Variants in IL1RAPL2 observed in about 807,000 individuals in gnomAD.
The protein encoded by IL1RAPL2 is X-linked interleukin-1 receptor accessory protein-like 2.
IL1RAPL2 carries 3 observed loss-of-function variants against 44.1 expected under a neutral mutation model. The ratio of observed to expected loss-of-function variants is 0.07; its 90% confidence interval spans 0.03 to 0.18. The LOEUF (loss-of-function observed/expected upper bound fraction) is 0.18. Among genes scored for constraint, IL1RAPL2 ranks in the 10% least tolerant of loss-of-function variants. The pLI, the probability that IL1RAPL2 is intolerant of heterozygous loss-of-function variation, is 1.00. For missense variants in IL1RAPL2, 391 were observed against 496.4 expected, an observed-to-expected ratio of 0.79 and a Z score of 2.02; for synonymous variants, 181 against 178.8, an observed-to-expected ratio of 1.01 and a Z score of -0.10.
rs1171872748 is a variant in IL1RAPL2, at chrX:105,670,105, GTATATATATATATATATATATATA to G, written c.773-47242_773-47219del. ...GTGTGGCTCTATTTCTGGGTTTCCT[GTATATATATATATATATATATATA>G]TATATATATATATATATATCTCCAC... is the stretch of plus-strand genomic sequence containing the variant. On this transcript the variant is annotated intron_variant, in intron 6 of 10. Transcript: ENST00000372582. Among the ~76,000 whole-genome samples, 40 of 11,686 alleles carry G rather than the reference GTATATATATATATATATATATATA, an allele frequency of 3.4e-3. 1 individual carries two copies. Among genetic ancestry groups the G allele is most frequent in the Admixed American group, 0.011 (10 of 902 alleles). The allele number at this position is 11,686 out of a possible 115,157, so 10.1% of individuals were successfully genotyped here.
chrX:104,632,317 C>T (rs920339102), intron 1 of IL1RAPL2, among the ~76,000 whole-genome samples: 1 of 111,199 alleles, frequency 9.0e-6, no homozygotes, highest in South Asian at 3.8e-4. Context: ...ATTGACTTGG[C>T]GATGCGGGCT....
At chrX:105,738,501 C>CA in intron 7 of IL1RAPL2, among the ~76,000 whole-genome samples, 1 of 110,879 alleles carries the variant, frequency 9.0e-6, no homozygotes, top group East Asian at 2.9e-4. Flanking sequence ...ACCAGGTGTC[C>CA]AAAAAGAAGA....
chrX:104,703,692 A>G lies in IL1RAPL2; in HGVS notation c.82+44697A>G, dbSNP rs181990069. The stretch of plus-strand genomic sequence containing the variant: ...TACCAGGCCTTGCACTGAGCACTGA[A>G]ATGAACTATATCACTTAATCCTCAC... On this transcript the variant is annotated intron_variant, in intron 2 of 10. Coordinates refer to ENST00000372582, the MANE Select transcript of IL1RAPL2 (RefSeq NM_017416.2). Among the ~76,000 whole-genome samples the G allele has an allele frequency of 6.3e-3, 710 of 112,284 alleles. 2 individuals carry two copies. The highest frequency in any genetic ancestry group is 0.018 in the Middle Eastern group (4 of 217).
At chrX:105,643,694 TG>T (rs1387527454) in intron 6 of IL1RAPL2, among the ~76,000 whole-genome samples, 89 of 111,484 alleles carry the variant, frequency 8.0e-4, no homozygotes, top group African/African-American at 2.7e-3. Flanking sequence ...AAGCTCCTGT[TG>T]GCACTGTTCA....
chrX:105,149,835 AAAAT>A (rs765874056), intron 2 of IL1RAPL2, among the ~76,000 whole-genome samples: 22 of 109,492 alleles, frequency 2.0e-4, no homozygotes, highest in African/African-American at 6.0e-4. Context: ...CTCCATCTCA[AAAAT>A]AAATAAATAA....
At chrX:104,828,968 C>T (rs377240808) in intron 2 of IL1RAPL2, among the ~76,000 whole-genome samples, 5 of 112,043 alleles carry the variant, frequency 4.5e-5, no homozygotes, top group South Asian at 3.7e-4. Context: ...TAATGGCAGA[C>T]GCCCCTCCCC....
At chrX:105,214,755 A>T (rs1444904718) in intron 3 of IL1RAPL2, among the ~76,000 whole-genome samples, 2 of 112,158 alleles carry the variant, frequency 1.8e-5, no homozygotes. Context: ...ATGCAAAAGA[A>T]TGGAAATCAT....
chrX:104,817,875 T>G (rs768567734), intron 2 of IL1RAPL2, among the ~76,000 whole-genome samples: 7 of 111,076 alleles, frequency 6.3e-5, no homozygotes, highest in Non-Finnish European at 1.1e-4. Context: ...ATGATATATA[T>G]AGAGATACAA....
At chrX:104,855,432 T>G (rs1331279313) in intron 2 of IL1RAPL2, among the ~76,000 whole-genome samples, 5 of 110,990 alleles carry the variant, frequency 4.5e-5, no homozygotes, top group Admixed American at 2.9e-4. Flanking sequence ...AAGGCCAATA[T>G]ACAGTGGGAA....
chrX:105,352,029 C>T (rs2035159641), intron 5 of IL1RAPL2, among the ~76,000 whole-genome samples: 1 of 111,278 alleles, frequency 9.0e-6, no homozygotes, highest in South Asian at 3.8e-4. Context: ...CTCACTGCAA[C>T]CTTCTTCCTC....
intron 5 of IL1RAPL2, among the ~76,000 whole-genome samples, chrX:105,441,692 A>C (rs1348602080): frequency 1.8e-5 from 2 of 111,906 alleles, no homozygotes; most frequent in Non-Finnish European, 3.8e-5. Flanking sequence ...AAGACATGAC[A>C]AGTTCCCAAA....
intron 6 of IL1RAPL2, among the ~76,000 whole-genome samples, chrX:105,527,952 A>G (rs1017992521): frequency 2.7e-5 from 3 of 112,146 alleles, no homozygotes; most frequent in African/African-American, 9.7e-5. Flanking sequence ...GAAAGCAGGC[A>G]TGTAGGAGAA....
chrX:105,657,141 C>T (rs901068696), intron 6 of IL1RAPL2, among the ~76,000 whole-genome samples: 1 of 111,596 alleles, frequency 9.0e-6, no homozygotes, highest in Non-Finnish European at 1.9e-5. Flanking sequence ...TCATGCTATT[C>T]CTGAAAAGAG....
At chrX:104,795,569 C>T (rs1349375060) in intron 2 of IL1RAPL2, among the ~76,000 whole-genome samples, 7 of 110,656 alleles carry the variant, frequency 6.3e-5, no homozygotes, top group Admixed American at 2.9e-4. Flanking sequence ...GAAAAGGGGG[C>T]AACTGTAGCT....
Position 105,100,467 on chromosome X carries a change from G to C in IL1RAPL2, c.83-95008G>C, listed in dbSNP as rs186931795. On this transcript the variant is annotated intron_variant, in intron 2 of 10. Coordinates refer to ENST00000372582, the MANE Select transcript of IL1RAPL2 (RefSeq NM_017416.2). Reference sequence around the variant, plus strand: ...TCTGGTGACCTCAGTTTGGGGTCTAGAGTATCAGACAATGTGCCCCAACCA... The same window carrying C: ...TCTGGTGACCTCAGTTTGGGGTCTACAGTATCAGACAATGTGCCCCAACCA... Among the ~76,000 whole-genome samples the C allele has an allele frequency of 3.6e-5, 4 of 111,860 alleles. No individual in the cohort carries two copies. In the East Asian group the frequency reaches 1.1e-3, roughly 32 times the overall value.
intron 2 of IL1RAPL2, among the ~76,000 whole-genome samples, chrX:105,152,352 A>C (rs1463420207): frequency 1.8e-5 from 2 of 112,007 alleles, no homozygotes; most frequent in Non-Finnish European, 3.8e-5. Flanking sequence ...GGCCCATAAA[A>C]ATAACAAGGA....
chrX:105,683,052 G>A (rs375567595), intron 6 of IL1RAPL2, among the ~76,000 whole-genome samples: 2 of 112,163 alleles, frequency 1.8e-5, no homozygotes, highest in East Asian at 5.6e-4. Flanking sequence ...TTGTTTTTGT[G>A]AGGAAACTTT....
chrX:105,664,769 G>C (rs1357189805), intron 6 of IL1RAPL2, among the ~76,000 whole-genome samples: 1 of 111,571 alleles, frequency 9.0e-6, no homozygotes, highest in Non-Finnish European at 1.9e-5. Context: ...TGCTATGGAA[G>C]AAAACCTCCT....
intron 2 of IL1RAPL2, among the ~76,000 whole-genome samples, chrX:105,005,803 T>G (rs2030932095): frequency 9.0e-6 from 1 of 111,094 alleles, no homozygotes; most frequent in Non-Finnish European, 1.9e-5. Context: ...GGGGAGAATT[T>G]TTAGCCTTCT....
Sources: allele counts gnomAD v4.1 joint callset (sites outside exome capture counted in the v4.1 genomes callset), GRCh38; gene constraint gnomAD v4.1.1; transcripts MANE v1.5; gene names NCBI Gene and HGNC (gene_info 2026-07-23, HGNC 2026-07-21).